Variants in PTH1R observed in about 807,000 individuals in gnomAD.
PTH1R encodes the protein parathyroid hormone/parathyroid hormone-related peptide receptor.
PTH1R carries 32 observed loss-of-function variants against 70.7 expected under a neutral mutation model. That is an observed-to-expected ratio of 0.45 (90% CI 0.34 to 0.61). The LOEUF is 0.61. PTH1R is among the 20% of genes least tolerant of loss of function. PTH1R has a pLI of 0.01. For missense variants in PTH1R, 626 were observed against 792.5 expected, an observed-to-expected ratio of 0.79 and a Z score of 2.52; for synonymous variants, 329 against 324.8, an observed-to-expected ratio of 1.01 and a Z score of -0.14.
intron 4 of PTH1R, among the ~76,000 whole-genome samples, chr3:46,895,163 A>T (rs1193197794): frequency 6.6e-6 from 1 of 151,654 alleles, no homozygotes; most frequent in East Asian, 1.9e-4. Context: ...TAGGCATCTC[A>T]ACGGCCACTG....
chr3:46,886,177 G>A (rs1284792951), intron 3 of PTH1R, among the ~76,000 whole-genome samples: 1 of 152,210 alleles, frequency 6.6e-6, no homozygotes, highest in Non-Finnish European at 1.5e-5. Context: ...GACCCCCCCA[G>A]CATGTACACA....
intron 4 of PTH1R, among the ~76,000 whole-genome samples, chr3:46,894,941 G>A (rs2031651069): frequency 6.6e-6 from 1 of 151,894 alleles, no homozygotes; most frequent in South Asian, 2.1e-4. Flanking sequence ...GTGCACACCT[G>A]TAGTCCCAGC....
Position 46,897,982 on chromosome 3 carries a change from G to T in PTH1R, c.424+17G>T. ...ATCACAAAGGTGAGGCCTGCTGGAA[G>T]GGGTGGGGATTACAAGGAGGCTGAG... On this transcript the variant is annotated intron_variant, in intron 6 of 15. Transcript: ENST00000449590. 6.2e-7 allele frequency: 1 copy of T among 1,613,904 alleles called. No individual in the cohort carries two copies. Among genetic ancestry groups the T allele is most frequent in the Non-Finnish European group, 8.5e-7 (1 of 1,179,774 alleles).
At chr3:46,898,917 C>T (rs1336838093) in intron 9 of PTH1R, 60 bp downstream of exon 9, 15 of 1,216,646 alleles carry the variant, frequency 1.2e-5, no homozygotes, top group Non-Finnish European at 1.6e-5. Flanking sequence ...GGGCCCCGCC[C>T]CGCCCCGCTC....
rs2030810164 is a variant in PTH1R, at chr3:46,883,608, C to T, written c.49C>T (p.Pro17Ser). ...APGLALLLCCPVLSSAYALVD... is the reference protein window; with the variant it reads ...APGLALLLCCSVLSSAYALVD... The stretch of plus-strand genomic sequence containing the variant: ...CGGCCTGGCGCTCCTGCTCTGCTGC[C>T]CCGTGCTCAGCTCCGCGTACGCGCT... The change falls in exon 3 of 16, where the codon CCC (proline) becomes TCC (serine). Residue 17 changes from proline (P) to serine (S), a missense_variant. Around this residue, in one of 3 missense-constraint regions of PTH1R, gnomAD observed 123 missense variants for 125.7 expected, o/e 0.98. Coordinates refer to ENST00000449590, the MANE Select transcript of PTH1R (RefSeq NM_000316.3). The surrounding 1 kb of genome is among the most constrained non-coding windows in gnomAD (Gnocchi z 6.4). The T allele has an allele frequency of 1.9e-6, 3 of 1,544,146 alleles. No individual in the cohort carries two copies. Among genetic ancestry groups the T allele is most frequent in the Admixed American group, 2.0e-5 (1 of 51,020 alleles).
Position 46,901,675 on chromosome 3 carries a change from G to C in PTH1R, c.1117-91G>C. On this transcript the variant is annotated intron_variant, in intron 12 of 15. Transcript: ENST00000449590. This position sits in a 1 kb window ranked among gnomAD's most constrained non-coding sequence, Gnocchi z 7.3. ...GCTCAAGGAGCCACCCAGAGATGCAGTGACAGAGCAGAGCCTATGGCCGTG... is the reference window on the plus strand; with the variant it reads ...GCTCAAGGAGCCACCCAGAGATGCACTGACAGAGCAGAGCCTATGGCCGTG... 6.9e-7 allele frequency: 1 copy of C among 1,450,102 alleles called. No homozygotes were observed. Among genetic ancestry groups the C allele is most frequent in the Non-Finnish European group, 9.7e-7 (1 of 1,033,510 alleles). 89.8% of individuals were successfully genotyped at this position (1,450,102 alleles called of 1,614,324 possible).
chr3:46,903,472 A>G lies in PTH1R; in HGVS notation c.1598A>G (p.Gln533Arg). 1 of 1,613,616 alleles carries G rather than the reference A, an allele frequency of 6.2e-7. No individual in the cohort carries two copies. ...ACTGCCACCACCAACGGCCACCCTC[A>G]GCTGCCTGGCCATGCCAAGCCAGGG... Reference protein sequence around the residue: ...LPTATTNGHPQLPGHAKPGTP... With the variant: ...LPTATTNGHPRLPGHAKPGTP... The change falls in exon 16 of 16, where the codon CAG becomes CGG. Residue 533 changes from glutamine (Q) to arginine (R), a missense_variant. Physicochemically the swap from Gln to Arg is conservative, Grantham distance 43. Coordinates refer to ENST00000449590, the MANE Select transcript of PTH1R (RefSeq NM_000316.3). The surrounding 1 kb of genome is among the most constrained non-coding windows in gnomAD (Gnocchi z 4.4).
intron 4 of PTH1R, among the ~76,000 whole-genome samples, 183 bp downstream of exon 4, chr3:46,894,192 G>A (rs1269930095): frequency 6.6e-6 from 1 of 152,090 alleles, no homozygotes; most frequent in Non-Finnish European, 1.5e-5. Context: ...CAGCAGGCTC[G>A]GGCATCCATG....
chr3:46,901,885 C>A lies in PTH1R; in HGVS notation c.1211+25C>A. The A allele has an allele frequency of 6.3e-7, 1 of 1,593,742 alleles. No homozygotes were observed. Among genetic ancestry groups the A allele is most frequent in the Non-Finnish European group, 8.6e-7 (1 of 1,161,766 alleles). ...GGTGAGCCCACCATGCCTGCCATGC[C>A]CTGGCTCCTCAGGGGTCCCTGAGTC... On this transcript the variant is annotated intron_variant, in intron 13 of 15. Transcript: ENST00000449590. The surrounding 1 kb of genome is among the most constrained non-coding windows in gnomAD (Gnocchi z 7.3).
In PTH1R at chr3:46,901,385, A is replaced by G; in HGVS notation, c.1050-29A>G. 3.9e-6 allele frequency: 6 copies of G among 1,555,888 alleles called. No individual in the cohort carries two copies. Among genetic ancestry groups the G allele is most frequent in the Non-Finnish European group, 5.2e-6 (6 of 1,148,946 alleles). ...CAGTCTTAGGATGGGAACAGGAGGG[A>G]TGGGAGCTAATGCCTCAACCTCCCC... On this transcript the variant is annotated intron_variant, in intron 11 of 15. Transcript: ENST00000449590. This position sits in a 1 kb window ranked among gnomAD's most constrained non-coding sequence, Gnocchi z 7.3.
chr3:46,895,440 A>G (rs1435409959), intron 4 of PTH1R, among the ~76,000 whole-genome samples: 1 of 152,114 alleles, frequency 6.6e-6, no homozygotes, highest in Non-Finnish European at 1.5e-5. Context: ...GTGGGAGGAT[A>G]CCACCTCTGC....
In PTH1R at chr3:46,903,160, C is replaced by G. The variant is rs2032229550; in HGVS notation, c.1396-110C>G. 1 of 1,540,904 alleles carries G rather than the reference C, an allele frequency of 6.5e-7. No individual in the cohort carries two copies. Among genetic ancestry groups the G allele is most frequent in the Non-Finnish European group, 8.8e-7 (1 of 1,140,060 alleles). On this transcript the variant is annotated intron_variant, in intron 15 of 15. Coordinates refer to ENST00000449590, the MANE Select transcript of PTH1R (RefSeq NM_000316.3). The surrounding 1 kb of genome is among the most constrained non-coding windows in gnomAD (Gnocchi z 4.4). ...GATTTCACTTGGCCTTGGAGTTTCC[C>G]AGGAGTCCCCTATTCCCATTTTCAT...
Position 46,898,093 on chromosome 3 carries a change from T to C in PTH1R, c.444T>C (p.Cys148=), listed in dbSNP as rs966544841. 1 of 1,614,228 alleles carries C rather than the reference T, an allele frequency of 6.2e-7. No individual in the cohort carries two copies. The highest frequency in any genetic ancestry group is 8.5e-7 in the Non-Finnish European group (1 of 1,180,036). The change falls in exon 7 of 16, where the codon TGT becomes TGC. Residue 148 remains cysteine, a synonymous_variant. Coordinates refer to ENST00000449590, the MANE Select transcript of PTH1R (RefSeq NM_000316.3). The part of the protein sequence containing the change: ...FNHKGHAYRR[C]DRNGSWELVP... ...CTGCAGGCCATGCCTACCGACGCTGTGACCGCAATGGCAGCTGGGAGCTGG... is the reference window on the plus strand; with the variant it reads ...CTGCAGGCCATGCCTACCGACGCTGCGACCGCAATGGCAGCTGGGAGCTGG...
In PTH1R at chr3:46,884,208, A is replaced by T. The variant is rs2030866426; in HGVS notation, c.75+574A>T. Among the ~76,000 whole-genome samples the T allele has an allele frequency of 6.6e-6, 1 of 152,102 alleles. No individual in the cohort carries two copies. The highest frequency in any genetic ancestry group is 6.5e-5 in the Admixed American group (1 of 15,282). ...CATGGAGAAGGGATGGAGTTCCCTG[A>T]AGGAGACTGACCTCACAGTGCACCC... On this transcript the variant is annotated intron_variant, in intron 3 of 15. Transcript: ENST00000449590. This position sits in a 1 kb window ranked among gnomAD's most constrained non-coding sequence, Gnocchi z 4.8.
chr3:46,892,665 C>T lies in PTH1R; in HGVS notation c.76-1242C>T. The T allele has an allele frequency of 1.1e-6, 1 of 923,804 alleles. No individual in the cohort carries two copies. Among genetic ancestry groups the T allele is most frequent in the South Asian group, 5.0e-5 (1 of 20,020 alleles). The allele number at this position is 923,804 out of a possible 1,614,324, so 57.2% of individuals were successfully genotyped here. ...TGCCCGCCCCTCTCGCCGGTGCCCG[C>T]CCCATGCCCGACCCGCCTTCTTCCT... On this transcript the variant is annotated intron_variant, in intron 3 of 15. Coordinates refer to ENST00000449590, the MANE Select transcript of PTH1R (RefSeq NM_000316.3). The surrounding 1 kb of genome is among the most constrained non-coding windows in gnomAD (Gnocchi z 5.2).
At chr3:46,886,194 G>A (rs1026858927) in intron 3 of PTH1R, among the ~76,000 whole-genome samples, 3 of 152,200 alleles carry the variant, frequency 2.0e-5, no homozygotes, top group Non-Finnish European at 4.4e-5. Context: ...CACATGTGGA[G>A]GAGAAACTGC....
chr3:46,880,714 G>A (rs896846159), intron 1 of PTH1R, among the ~76,000 whole-genome samples: 2 of 152,048 alleles, frequency 1.3e-5, no homozygotes, highest in African/African-American at 2.4e-5. Flanking sequence ...GTGACAAAGT[G>A]AGACTTTGTC....
At chr3:46,878,076 CT>C (rs2030338315) in intron 1 of PTH1R, among the ~76,000 whole-genome samples, 1 of 152,204 alleles carries the variant, frequency 6.6e-6, no homozygotes, top group South Asian at 2.1e-4. Context: ...CTTAGGAGTG[CT>C]CCCTGGTTGG....
Position 46,896,381 on chromosome 3 carries a change from G to A in PTH1R, c.313+512G>A, listed in dbSNP as rs555198728. 1.4e-4 allele frequency among the ~76,000 whole-genome samples: 21 copies of A among 150,928 alleles called. No individual in the cohort carries two copies. Among genetic ancestry groups the A allele is most frequent in the African/African-American group, 4.4e-4 (18 of 41,202 alleles). On this transcript the variant is annotated intron_variant, in intron 5 of 15. Coordinates refer to ENST00000449590, the MANE Select transcript of PTH1R (RefSeq NM_000316.3). The surrounding 1 kb of genome is among the most constrained non-coding windows in gnomAD (Gnocchi z 4.1). ...CCACAGAAATAGAGAAGGAGAGGAG[G>A]GCAGTGGCAGAGGGTGGGGCCAGAG...
Sources: allele counts gnomAD v4.1 joint callset (sites outside exome capture counted in the v4.1 genomes callset), GRCh38; gene constraint gnomAD v4.1.1; regional missense constraint gnomAD v4.1.1; non-coding constraint Gnocchi (gnomAD v3.1); transcripts MANE v1.5; gene names NCBI Gene and HGNC (gene_info 2026-07-23, HGNC 2026-07-21).